The following PTDSS2 variants were observed in gnomAD, a reference collection of about 807,000 sequenced individuals.
The protein encoded by PTDSS2 is PSS-2.
Under a neutral mutation model 64.7 loss-of-function variants are expected in PTDSS2, and 41 were observed. That is an observed-to-expected ratio of 0.63 (90% CI 0.49 to 0.82). The LOEUF (loss-of-function observed/expected upper bound fraction) is 0.82, where lower values mean the gene tolerates loss of function less well. PTDSS2 is among the 40% of genes least tolerant of loss of function. PTDSS2 has a pLI of 0.00. For synonymous variants in PTDSS2, 297 were observed against 277.8 expected, an observed-to-expected ratio of 1.07 and a Z score of -0.69; for missense variants, 485 against 650.0, an observed-to-expected ratio of 0.75 and a Z score of 2.76.
At chr11:464,998 G>A (rs917724065) in intron 2 of PTDSS2, among the ~76,000 whole-genome samples, 36 of 152,212 alleles carry the variant, frequency 2.4e-4, no homozygotes, top group African/African-American at 8.2e-4. Flanking sequence ...AAACAGGCGC[G>A]CACGACTGCA....
chr11:474,687 GT>G (rs1239064615), intron 3 of PTDSS2, among the ~76,000 whole-genome samples: 1 of 152,222 alleles, frequency 6.6e-6, no homozygotes, highest in African/African-American at 2.4e-5. Context: ...AGGGTCGGTT[GT>G]TTCCCCTGAG....
chr11:490,811 C>T lies in PTDSS2; in HGVS notation c.*229C>T, dbSNP rs67143533. On this transcript the variant is annotated 3_prime_UTR_variant, in exon 12 of 12. Coordinates refer to ENST00000308020, the MANE Select transcript of PTDSS2 (RefSeq NM_030783.3). ...ATGCGTGTGTGTACGCGTGTGTACG[C>T]GCGTGTGTACACATGCGTGGCCGCC... The T allele has an allele frequency of 0.07, 40,577 of 581,566 alleles. 1,709 individuals carry two copies. Among genetic ancestry groups the T allele is most frequent in the African/African-American group, 0.14 (7,295 of 53,498 alleles). The allele number at this position is 581,566 out of a possible 1,614,324, so 36.0% of individuals were successfully genotyped here.
Position 470,103 on chromosome 11 carries a change from G to A in PTDSS2, c.285-3792G>A, listed in dbSNP as rs1847350269. On this transcript the variant is annotated intron_variant, in intron 2 of 11. Coordinates refer to ENST00000308020, the MANE Select transcript of PTDSS2 (RefSeq NM_030783.3). This position sits in a 1 kb window ranked among gnomAD's most constrained non-coding sequence, Gnocchi z 5.3. ...TTCCAGGAGCTGGCGTGAGCTCCCGGCACCGCTGTGCGCTGCGCGTGGTGA... is the reference window on the plus strand; with the variant it reads ...TTCCAGGAGCTGGCGTGAGCTCCCGACACCGCTGTGCGCTGCGCGTGGTGA... Among the ~76,000 whole-genome samples the A allele has an allele frequency of 6.6e-6, 1 of 152,146 alleles. No homozygotes were observed. Among genetic ancestry groups the A allele is most frequent in the Non-Finnish European group, 1.5e-5 (1 of 68,026 alleles).
chr11:485,406 G>GTT (rs1848302072), intron 4 of PTDSS2, among the ~76,000 whole-genome samples: 2 of 143,892 alleles, frequency 1.4e-5, no homozygotes, highest in East Asian at 2.1e-4. Flanking sequence ...GCAGGCGACC[G>GTT]TAAACAGTGC....
Position 470,402 on chromosome 11 carries a change from G to A in PTDSS2, c.285-3493G>A, listed in dbSNP as rs1318226923. Among the ~76,000 whole-genome samples, 1 of 152,136 alleles carries A rather than the reference G, an allele frequency of 6.6e-6. No individual in the cohort carries two copies. Among genetic ancestry groups the A allele is most frequent in the Admixed American group, 6.5e-5 (1 of 15,270 alleles). Reference sequence around the variant, plus strand: ...AAACCATCCAGGTCATCAGAGACAAGGAGAGTCTGAGAAACCGTCCCAGCC... The same window carrying A: ...AAACCATCCAGGTCATCAGAGACAAAGAGAGTCTGAGAAACCGTCCCAGCC... On this transcript the variant is annotated intron_variant, in intron 2 of 11. Coordinates refer to ENST00000308020, the MANE Select transcript of PTDSS2 (RefSeq NM_030783.3). This position sits in a 1 kb window ranked among gnomAD's most constrained non-coding sequence, Gnocchi z 5.3.
chr11:475,134 G>A (rs36090433), intron 3 of PTDSS2, among the ~76,000 whole-genome samples: 15 of 87,784 alleles, frequency 1.7e-4, no homozygotes, highest in African/African-American at 3.8e-4. Context: ...ACATATTCAC[G>A]CGTTTGTGTG....
In PTDSS2 at chr11:490,875, C is replaced by T. The variant is rs1415007633; in HGVS notation, c.*293C>T. The stretch of plus-strand genomic sequence containing the variant: ...TGTGCTCTGGGCTCCGAGGCTTCTC[C>T]AGAGCTGGGAGCTGGCTGGCGTGGC... On this transcript the variant is annotated 3_prime_UTR_variant, in exon 12 of 12. Transcript: ENST00000308020. The T allele has an allele frequency of 9.5e-5, 39 of 409,106 alleles. No individual in the cohort carries two copies. The East Asian group carries it at 1.7e-3, about 17-fold the overall frequency. 25.3% of individuals were successfully genotyped at this position (409,106 alleles called of 1,614,324 possible).
Position 450,312 on chromosome 11 carries a change from C to A in PTDSS2, c.-144C>A. The A allele has an allele frequency of 1.6e-6, 1 of 624,778 alleles. No homozygotes were observed. The highest frequency in any genetic ancestry group is 2.3e-6 in the Non-Finnish European group (1 of 439,622). 38.7% of individuals were successfully genotyped at this position (624,778 alleles called of 1,614,324 possible). On this transcript the variant is annotated 5_prime_UTR_variant, in exon 1 of 12. Transcript: ENST00000308020. ...CCGCACACCCTTTACTGGCCGGCCCCGCGCTGCTCTCCTAAGACCCCGCGG... is the reference window on the plus strand; with the variant it reads ...CCGCACACCCTTTACTGGCCGGCCCAGCGCTGCTCTCCTAAGACCCCGCGG...
rs888101315 is a variant in PTDSS2 at position 484,926 on chromosome 11, G to A, written c.436-2013G>A. Among the ~76,000 whole-genome samples, 23 of 145,978 alleles carry A rather than the reference G, an allele frequency of 1.6e-4. 2 individuals carry two copies. The highest frequency in any genetic ancestry group is 3.4e-4 in the Non-Finnish European group (23 of 66,788). On this transcript the variant is annotated intron_variant, in intron 4 of 11. Transcript: ENST00000308020. The stretch of plus-strand genomic sequence containing the variant: ...GTGTGTGCTCACTGCGCAGGCGAGT[G>A]TAAACTGCACGGGCGCGTGTGTGCT...
At chr11:457,906 C>T (rs1329580994) in intron 1 of PTDSS2, among the ~76,000 whole-genome samples, 1 of 152,240 alleles carries the variant, frequency 6.6e-6, no homozygotes, top group Non-Finnish European at 1.5e-5. Flanking sequence ...GAGACCTCAC[C>T]AGCACTCTGC....
At chr11:475,952 G>T (rs1374689436) in intron 3 of PTDSS2, among the ~76,000 whole-genome samples, 2 of 152,192 alleles carry the variant, frequency 1.3e-5, no homozygotes, top group Admixed American at 1.3e-4. Flanking sequence ...GAATTAAAGG[G>T]CATACACAGT....
intron 1 of PTDSS2, 100 bp downstream of exon 1, chr11:450,737 T>C (rs910583327): frequency 2.8e-6 from 3 of 1,056,142 alleles, no homozygotes; most frequent in Non-Finnish European, 3.7e-6. Flanking sequence ...TCTCGCCGTC[T>C]TGGAGTCCAG....
chr11:471,961 T>A (rs1847472089), intron 2 of PTDSS2, among the ~76,000 whole-genome samples: 1 of 135,080 alleles, frequency 7.4e-6, no homozygotes, highest in Non-Finnish European at 1.6e-5. Flanking sequence ...CGGCCTGGGG[T>A]GATGCAGATG....
chr11:453,033 G>A (rs1590600353), intron 1 of PTDSS2, among the ~76,000 whole-genome samples: 1 of 152,022 alleles, frequency 6.6e-6, no homozygotes, highest in Admixed American at 6.6e-5. Context: ...ATCCAGCCAG[G>A]GCGTTCATTT....
chr11:482,398 T>A (rs973332905), intron 4 of PTDSS2, among the ~76,000 whole-genome samples: 3 of 152,174 alleles, frequency 2.0e-5, no homozygotes, highest in African/African-American at 7.2e-5. Context: ...AATTTTGTAT[T>A]TTTAGTAGAG....
chr11:475,691 C>T (rs1847772965), intron 3 of PTDSS2, among the ~76,000 whole-genome samples: 1 of 152,166 alleles, frequency 6.6e-6, no homozygotes, highest in Non-Finnish European at 1.5e-5. Flanking sequence ...TTTAAAATGA[C>T]TTTAATCATT....
Position 479,433 on chromosome 11 carries a change from G to A in PTDSS2, c.435+281G>A. ...GCGCTGACTGTGGCCATTTAGCAGG[G>A]CCACACTTAAGGAGGGCAGGGCCAG... On this transcript the variant is annotated intron_variant, in intron 4 of 11. Coordinates refer to ENST00000308020, the MANE Select transcript of PTDSS2 (RefSeq NM_030783.3). The surrounding 1 kb of genome is among the most constrained non-coding windows in gnomAD (Gnocchi z 4.2). The A allele has an allele frequency of 1.9e-6, 1 of 535,272 alleles. No individual in the cohort carries two copies. 33.2% of individuals were successfully genotyped at this position (535,272 alleles called of 1,614,324 possible).
chr11:480,147 C>T, intron 4 of PTDSS2: 1 of 154,738 alleles, frequency 6.5e-6, no homozygotes, highest in South Asian at 1.8e-4. Flanking sequence ...GGGTGGGCAG[C>T]CTCTTCCCAC....
chr11:468,785 T>TGGAAGGA (rs1847257036), intron 2 of PTDSS2, among the ~76,000 whole-genome samples: 1 of 95,520 alleles, frequency 1.0e-5, no homozygotes, highest in African/African-American at 4.1e-5. Context: ...TCTGGGTAAT[T>TGGAAGGA]GGAGGAGGGG....
Sources: allele counts gnomAD v4.1 joint callset (sites outside exome capture counted in the v4.1 genomes callset), GRCh38; gene constraint gnomAD v4.1.1; non-coding constraint Gnocchi (gnomAD v3.1); transcripts MANE v1.5; gene names NCBI Gene and HGNC (gene_info 2026-07-23, HGNC 2026-07-21).